RNF115: variants seen among roughly 807,000 people sequenced by gnomAD.
RNF115 encodes ring finger protein 115.
In RNF115, 31 loss-of-function variants were observed where a neutral mutation model predicts 39.2. The ratio of observed to expected loss-of-function variants is 0.79; its 90% CI spans 0.59 to 1.07. The LOEUF (loss-of-function observed/expected upper bound fraction) is 1.07, where lower values mean the gene tolerates loss of function less well. Ranked by LOEUF, RNF115 falls within the 50% of genes least tolerant of loss-of-function variation. RNF115 has a pLI of 0.00. For synonymous variants in RNF115, 124 were observed against 131.0 expected (o/e 0.95, Z 0.37); for missense variants, 384 against 381.7 (o/e 1.01, Z -0.05).
intron 1 of RNF115, among the ~76,000 whole-genome samples, chr1:145,806,309 C>G (rs1649460082): frequency 6.6e-6 from 1 of 152,012 alleles, no homozygotes; most frequent in African/African-American, 2.4e-5. Flanking sequence ...GATCGTGCCA[C>G]TGCACTCCAG....
chr1:145,783,113 T>C lies in RNF115; in HGVS notation c.219+1426A>G, dbSNP rs587703188. Among the ~76,000 whole-genome samples the C allele has an allele frequency of 9.2e-4, 140 of 152,310 alleles. 2 individuals carry two copies. The highest frequency in any genetic ancestry group is 3.2e-3 in the African/African-American group (133 of 41,552). On this transcript the variant is annotated intron_variant, in intron 3 of 8. Transcript: ENST00000582693. ...CCAGACCTCAGGTGATCTGCTCACCTCGGCCTCCCAAAGTGTTGCGATTAC... is the reference window on the plus strand; with the variant it reads ...CCAGACCTCAGGTGATCTGCTCACCCCGGCCTCCCAAAGTGTTGCGATTAC...
At chr1:145,816,524 AAAGT>A in intron 1 of RNF115, among the ~76,000 whole-genome samples, 1 of 102,498 alleles carries the variant, frequency 9.8e-6, no homozygotes, top group South Asian at 5.0e-4. Flanking sequence ...GTGAAATAAT[AAAGT>A]AATTAAATTT....
In RNF115 at chr1:145,794,235, A is replaced by G. The variant is rs141377151; in HGVS notation, c.103-5269T>C. Among the ~76,000 whole-genome samples, 5 of 152,258 alleles carry G rather than the reference A, an allele frequency of 3.3e-5. No individual in the cohort carries two copies. The East Asian group carries it at 9.6e-4, about 29-fold the overall frequency. ...AGAACCATCTTTTTTAAAGCATAAA[A>G]CAGACCATGTCATTACCCAGCTTAA... On this transcript the variant is annotated intron_variant, in intron 1 of 8. Coordinates refer to ENST00000582693, the MANE Select transcript of RNF115 (RefSeq NM_014455.4).
chr1:145,782,601 A>G (rs1331221202), intron 3 of RNF115, among the ~76,000 whole-genome samples: 5 of 152,244 alleles, frequency 3.3e-5, no homozygotes, highest in African/African-American at 9.6e-5. Flanking sequence ...TAGCATTACT[A>G]AAGTTAGGAA....
intron 1 of RNF115, among the ~76,000 whole-genome samples, chr1:145,806,658 A>G (rs1389251488): frequency 6.6e-6 from 1 of 151,644 alleles, no homozygotes; most frequent in African/African-American, 2.4e-5. Flanking sequence ...AGAGTGTGGT[A>G]CCCCTCCCCT....
chr1:145,787,879 C>T (rs782024257), intron 2 of RNF115, among the ~76,000 whole-genome samples: 59 of 151,516 alleles, frequency 3.9e-4, no homozygotes, highest in Non-Finnish European at 6.8e-4. Flanking sequence ...CAGAGCAAGA[C>T]TCTGTCTCAA....
intron 4 of RNF115, among the ~76,000 whole-genome samples, chr1:145,767,836 G>C (rs1647429771): frequency 6.6e-6 from 1 of 152,248 alleles, no homozygotes; most frequent in Admixed American, 6.5e-5. Flanking sequence ...AGTCAGGCGT[G>C]GCGGCGCGCG....
At chr1:145,781,387 T>A (rs1022428299) in intron 3 of RNF115, among the ~76,000 whole-genome samples, 1 of 152,190 alleles carries the variant, frequency 6.6e-6, no homozygotes, top group Admixed American at 6.5e-5. Context: ...TTTCTATATA[T>A]AATTTTATTT....
At chr1:145,821,807 T>A (rs1553724387) in intron 1 of RNF115, among the ~76,000 whole-genome samples, 2 of 103,116 alleles carry the variant, frequency 1.9e-5, no homozygotes, top group Non-Finnish European at 4.0e-5. Flanking sequence ...AACAGCAACT[T>A]AAAGATCAAA....
At chr1:145,778,049 T>A (rs933980911) in intron 3 of RNF115, among the ~76,000 whole-genome samples, 1 of 152,172 alleles carries the variant, frequency 6.6e-6, no homozygotes, top group Non-Finnish European at 1.5e-5. Flanking sequence ...TACAGCAGCA[T>A]TATTATCCAT....
chr1:145,801,493 A>C (rs587623823), intron 1 of RNF115, among the ~76,000 whole-genome samples: 1 of 152,284 alleles, frequency 6.6e-6, no homozygotes, highest in East Asian at 1.9e-4. Flanking sequence ...TGAACCCAGG[A>C]GGCAGAGGTT....
intron 1 of RNF115, among the ~76,000 whole-genome samples, chr1:145,799,081 T>TG (rs1559126610): frequency 6.6e-6 from 1 of 151,754 alleles, no homozygotes; most frequent in African/African-American, 2.4e-5. Context: ...TCTTTTTTTT[T>TG]TTTTTTAGAT....
intron 1 of RNF115, among the ~76,000 whole-genome samples, chr1:145,794,781 G>A (rs1417803096): frequency 6.6e-6 from 1 of 151,684 alleles, no homozygotes; most frequent in Non-Finnish European, 1.5e-5. Context: ...ACTTTGGGAG[G>A]CCGAGGAGGG....
intron 1 of RNF115, among the ~76,000 whole-genome samples, chr1:145,802,263 T>C (rs587680431): frequency 6.6e-6 from 1 of 152,328 alleles, no homozygotes; most frequent in African/African-American, 2.4e-5. Flanking sequence ...TGGCAGGTTC[T>C]GAATCGAGAA....
chr1:145,776,752 C>T (rs1419544488), intron 3 of RNF115, among the ~76,000 whole-genome samples: 2 of 152,108 alleles, frequency 1.3e-5, no homozygotes, highest in African/African-American at 4.8e-5. Context: ...AGGAGAATTG[C>T]TTGAACCCGG....
At position 145,811,329 on chromosome 1, in the gene RNF115, G is replaced by A. The variant is rs1336775310; in HGVS notation, c.102+12443C>T. Among the ~76,000 whole-genome samples, 7 of 132,042 alleles carry A rather than the reference G, an allele frequency of 5.3e-5. No homozygotes were observed. In the South Asian group the frequency reaches 1.6e-3, roughly 31 times the overall value. 86.6% of individuals were successfully genotyped at this position (132,042 alleles called of 152,430 possible). On this transcript the variant is annotated intron_variant, in intron 1 of 8. Coordinates refer to ENST00000582693, the MANE Select transcript of RNF115 (RefSeq NM_014455.4). ...TGAGCCTAACTCAAAACCAGCCTGG[G>A]CAACTAAGTGAGACCCCATCACTAC... is the stretch of plus-strand genomic sequence containing the variant.
chr1:145,798,014 AGTT>A lies in RNF115; in HGVS notation c.103-9051_103-9049del, dbSNP rs781878546. Among the ~76,000 whole-genome samples, 21 of 151,966 alleles carry A rather than the reference AGTT, an allele frequency of 1.4e-4. 1 individual carries two copies. The South Asian group carries it at 4.2e-3, about 30-fold the overall frequency. On this transcript the variant is annotated intron_variant, in intron 1 of 8. Transcript: ENST00000582693. Reference sequence around the variant, plus strand: ...CTGTTTATTTGATTTTTTGTTGTTGAGTTGTTGTTCTTTCTACATTCTGGATAT... The same window carrying A: ...CTGTTTATTTGATTTTTTGTTGTTGAGTTGTTCTTTCTACATTCTGGATAT...
chr1:145,799,479 T>TCTTA, intron 1 of RNF115, among the ~76,000 whole-genome samples: 1 of 152,274 alleles, frequency 6.6e-6, no homozygotes, highest in Middle Eastern at 3.4e-3. Context: ...TGGCCAGGAC[T>TCTTA]CTTAATACTA....
intron 2 of RNF115, among the ~76,000 whole-genome samples, chr1:145,787,571 C>CAAA (rs1192063003): frequency 4.5e-5 from 4 of 88,898 alleles, no homozygotes; most frequent in African/African-American, 4.5e-5. Context: ...GACTCCGTCA[C>CAAA]AAAAAAAAAA....
Sources: allele counts gnomAD v4.1 joint callset (sites outside exome capture counted in the v4.1 genomes callset), GRCh38; gene constraint gnomAD v4.1.1; transcripts MANE v1.5; gene names NCBI Gene and HGNC (gene_info 2026-07-23, HGNC 2026-07-21).